ITIH5: variants seen among roughly 807,000 people sequenced by gnomAD.
ITIH5 encodes inter-alpha-trypsin inhibitor heavy chain H5.
ITIH5 carries 65 observed loss-of-function variants against 77.5 expected under a neutral mutation model. The observed-to-expected ratio is 0.84, with a 90% CI of 0.69 to 1.03. The LOEUF is 1.03. Among genes scored for constraint, ITIH5 ranks in the 50% least tolerant of loss-of-function variants. The pLI is 0.00. For missense variants in ITIH5, 1,208 were observed against 1,213.1 expected (o/e 1.00, Z 0.06); for synonymous variants, 525 against 494.3 (o/e 1.06, Z -0.82).
At chr10:7,595,529 A>C (rs925567083) in intron 7 of ITIH5, among the ~76,000 whole-genome samples, 1 of 152,174 alleles carries the variant, frequency 6.6e-6, no homozygotes, top group African/African-American at 2.4e-5. Flanking sequence ...TCTGTTTAAT[A>C]CTATTTTATG....
intron 7 of ITIH5, among the ~76,000 whole-genome samples, chr10:7,606,459 G>A (rs1215188400): frequency 6.6e-6 from 1 of 152,168 alleles, no homozygotes; most frequent in Non-Finnish European, 1.5e-5. Flanking sequence ...GGAGCAACAT[G>A]GATGGATCTG....
At chr10:7,588,804 G>A (rs1306851784) in intron 7 of ITIH5, among the ~76,000 whole-genome samples, 2 of 152,216 alleles carry the variant, frequency 1.3e-5, no homozygotes, top group East Asian at 3.8e-4. Flanking sequence ...CTCTTCCTCT[G>A]TTGAGGTGAT....
In ITIH5 at chr10:7,665,442, A is replaced by G. The variant is rs144080446; in HGVS notation, c.90+1361T>C. Among the ~76,000 whole-genome samples the G allele has an allele frequency of 5.5e-4, 84 of 152,340 alleles. No homozygotes were observed. The Middle Eastern group carries it at 0.01, about 19-fold the overall frequency. On this transcript the variant is annotated intron_variant, in intron 1 of 13. Transcript: ENST00000397146. ...AGCACTTGGGTGTCATAATGCATTC[A>G]GTCCTCACAACCCTATCATTTCTCC... is the stretch of plus-strand genomic sequence containing the variant.
At chr10:7,655,142 T>C (rs1461248124) in intron 2 of ITIH5, among the ~76,000 whole-genome samples, 3 of 152,096 alleles carry the variant, frequency 2.0e-5, no homozygotes, top group African/African-American at 2.4e-5. Flanking sequence ...CCATGCACAG[T>C]GGTAAGGAAG....
At chr10:7,614,083 T>C (rs1833314258) in intron 7 of ITIH5, among the ~76,000 whole-genome samples, 1 of 152,206 alleles carries the variant, frequency 6.6e-6, no homozygotes, top group Non-Finnish European at 1.5e-5. Context: ...ATACCATACC[T>C]AGTAAAAACT....
rs745354070 is a variant in ITIH5 at position 7,563,042 on chromosome 10, T to A, written c.*41A>T. 1.3e-6 allele frequency: 2 copies of A among 1,587,378 alleles called. No individual in the cohort carries two copies. Among genetic ancestry groups the A allele is most frequent in the Non-Finnish European group, 8.7e-7 (1 of 1,155,496 alleles). ...AGAGCTGCCCCACGGCCTCCCCACATCACTGTCCTTCATGCACTTGCATCT... is the reference window on the plus strand; with the variant it reads ...AGAGCTGCCCCACGGCCTCCCCACAACACTGTCCTTCATGCACTTGCATCT... On this transcript the variant is annotated 3_prime_UTR_variant, in exon 14 of 14. Transcript: ENST00000397146.
intron 12 of ITIH5, among the ~76,000 whole-genome samples, chr10:7,566,899 GAAGAA>G (rs1564232823): frequency 2.6e-5 from 3 of 117,204 alleles, no homozygotes; most frequent in Admixed American, 8.8e-5. Context: ...AGAAGAAGAA[GAAGAA>G]GAAGAAGAAG....
Position 7,559,901 on chromosome 10 carries a change from G to A in ITIH5, c.*3182C>T, listed in dbSNP as rs1484215984. 6 of 451,586 alleles carry A rather than the reference G, an allele frequency of 1.3e-5. No individual in the cohort carries two copies. The highest frequency in any genetic ancestry group is 2.7e-5 in the Non-Finnish European group (6 of 226,084). The allele number at this position is 451,586 out of a possible 1,614,324, so 28.0% of individuals were successfully genotyped here. A position where few individuals can be genotyped will look rare whatever the true frequency, so the allele number is the denominator to read the frequency against. On this transcript the variant is annotated 3_prime_UTR_variant, in exon 14 of 14. Coordinates refer to ENST00000397146, the MANE Select transcript of ITIH5 (RefSeq NM_030569.7). ...GAGTTTGGCTCTGTCACTCCAGCTGGAGTGCAGTGGCGTGATCTTGGCTCA... is the reference window on the plus strand; with the variant it reads ...GAGTTTGGCTCTGTCACTCCAGCTGAAGTGCAGTGGCGTGATCTTGGCTCA...
At chr10:7,626,249 G>A (rs1240389519) in intron 5 of ITIH5, among the ~76,000 whole-genome samples, 1 of 152,186 alleles carries the variant, frequency 6.6e-6, no homozygotes, top group Non-Finnish European at 1.5e-5. Context: ...ACAGTAAAGA[G>A]GAGGTGTCTC....
chr10:7,582,486 T>C (rs1019764944), intron 8 of ITIH5, among the ~76,000 whole-genome samples: 2 of 151,946 alleles, frequency 1.3e-5, no homozygotes, highest in African/African-American at 4.8e-5. Flanking sequence ...TAAGATAAAA[T>C]CTACATACCA....
At chr10:7,591,675 G>C (rs113989588) in intron 7 of ITIH5, among the ~76,000 whole-genome samples, 5 of 151,946 alleles carry the variant, frequency 3.3e-5, no homozygotes, top group African/African-American at 1.2e-4. Flanking sequence ...GCAATCCTGG[G>C]TTTACACATG....
chr10:7,610,534 A>G (rs1467029154), intron 7 of ITIH5, among the ~76,000 whole-genome samples: 1 of 152,256 alleles, frequency 6.6e-6, no homozygotes, highest in African/African-American at 2.4e-5. Context: ...AACATTGGGA[A>G]TAACAGTGAA....
chr10:7,562,924 T>A lies in ITIH5; in HGVS notation c.*159A>T. On this transcript the variant is annotated 3_prime_UTR_variant, in exon 14 of 14. Coordinates refer to ENST00000397146, the MANE Select transcript of ITIH5 (RefSeq NM_030569.7). ...TCCCGCCCCTACCCACCCCTACCCT[T>A]CGCCCAGACAGACGTCGGATCTATG... 3.3e-6 allele frequency: 2 copies of A among 600,160 alleles called. No homozygotes were observed. The highest frequency in any genetic ancestry group is 1.9e-5 in the African/African-American group (1 of 53,968). The allele number at this position is 600,160 out of a possible 1,614,324, so 37.2% of individuals were successfully genotyped here.
At chr10:7,652,731 A>G (rs1265430124) in intron 2 of ITIH5, among the ~76,000 whole-genome samples, 2 of 152,160 alleles carry the variant, frequency 1.3e-5, no homozygotes, top group East Asian at 1.9e-4. Flanking sequence ...GGAACTGAGC[A>G]CTTTTATGTG....
chr10:7,610,750 G>A (rs1216495245), intron 7 of ITIH5, among the ~76,000 whole-genome samples: 14 of 152,204 alleles, frequency 9.2e-5, no homozygotes, highest in Admixed American at 5.9e-4. Context: ...AAAATAGTCC[G>A]CAGATTTCAA....
chr10:7,567,117 T>C (rs1355314646), intron 12 of ITIH5, among the ~76,000 whole-genome samples: 3 of 151,768 alleles, frequency 2.0e-5, no homozygotes, highest in African/African-American at 7.3e-5. Flanking sequence ...CTGACCAGTA[T>C]GTTGGGATAG....
chr10:7,587,891 GC>G (rs1271629330), intron 7 of ITIH5, among the ~76,000 whole-genome samples: 1 of 152,090 alleles, frequency 6.6e-6, no homozygotes, highest in African/African-American at 2.4e-5. Flanking sequence ...CAGACAGATG[GC>G]CCCGTCGGCC....
At chr10:7,608,291 T>C (rs1451784203) in intron 7 of ITIH5, among the ~76,000 whole-genome samples, 2 of 152,200 alleles carry the variant, frequency 1.3e-5, no homozygotes, top group Admixed American at 1.3e-4. Context: ...TTTTTGTTTG[T>C]TTGTTTGTGA....
chr10:7,572,238 G>A, intron 11 of ITIH5: 1 of 1,301,374 alleles, frequency 7.7e-7, no homozygotes, highest in South Asian at 1.3e-5. Context: ...GCAGCAGAAA[G>A]GCAACAATCA....
Sources: gnomAD v4.1 joint callset for allele counts (sites outside exome capture counted in the v4.1 genomes callset) on GRCh38, gnomAD v4.1.1 for gene constraint, MANE v1.5 for transcripts, NCBI Gene and HGNC (gene_info 2026-07-23, HGNC 2026-07-21) for gene names.